The following NRXN1 variants were observed in gnomAD, a reference collection of about 807,000 sequenced individuals.
NRXN1 encodes the protein neurexin-1.
A neutral mutation model predicts 150.9 loss-of-function variants in NRXN1; 39 were observed. The ratio of observed to expected loss-of-function variants is 0.26; its 90% CI spans 0.20 to 0.34. The LOEUF (loss-of-function observed/expected upper bound fraction) is 0.34. Among genes scored for constraint, NRXN1 ranks in the 10% least tolerant of loss-of-function variants. The pLI is 1.00. For missense variants in NRXN1, 1,815 were observed against 1,949.9 expected (o/e 0.93, Z 1.30); for synonymous variants, 924 against 757.0 (o/e 1.22, Z -3.62).
intron 19 of NRXN1, among the ~76,000 whole-genome samples, chr2:50,071,137 C>G (rs1028252603): frequency 2.6e-5 from 4 of 152,202 alleles, no homozygotes; most frequent in African/African-American, 9.7e-5. Flanking sequence ...TAGGCTGTGT[C>G]ATATACAAGA....
Position 50,017,651 on chromosome 2 carries a change from A to C in NRXN1, c.4128+35620T>G, listed in dbSNP as rs561565913. Among the ~76,000 whole-genome samples, 27 of 130,068 alleles carry C rather than the reference A, an allele frequency of 2.1e-4. 1 individual carries two copies. The South Asian group carries it at 6.4e-3, about 31-fold the overall frequency. The allele number at this position is 130,068 out of a possible 152,430, so 85.3% of individuals were successfully genotyped here. A position where few individuals can be genotyped will look rare whatever the true frequency, so the allele number is the denominator to read the frequency against. On this transcript the variant is annotated intron_variant, in intron 21 of 22. Coordinates refer to ENST00000401669, the MANE Select transcript of NRXN1 (RefSeq NM_001330078.2). ...TTTTCTTGCAAAAGATTTTAGAAAA[A>C]AACACAGCCTTTTTTTTTTTTTTTT...
chr2:50,165,878 T>G (rs1295129839), intron 18 of NRXN1, among the ~76,000 whole-genome samples: 3 of 152,336 alleles, frequency 2.0e-5, no homozygotes, highest in Admixed American at 6.5e-5. Flanking sequence ...ATATATATTC[T>G]TAGGACAGCT....
intron 8 of NRXN1, among the ~76,000 whole-genome samples, chr2:50,579,469 G>A (rs981974803): frequency 6.6e-6 from 1 of 152,136 alleles, no homozygotes; most frequent in Non-Finnish European, 1.5e-5. Flanking sequence ...ATCAGCCTGG[G>A]CAACACAGTC....
chr2:50,823,480 T>G (rs1355315819), intron 5 of NRXN1, among the ~76,000 whole-genome samples: 2 of 152,226 alleles, frequency 1.3e-5, no homozygotes, highest in Admixed American at 6.5e-5. Context: ...CTGGTGAATC[T>G]TTGTTATTAT....
intron 15 of NRXN1, among the ~76,000 whole-genome samples, chr2:50,483,079 C>G (rs1224040806): frequency 7.2e-6 from 1 of 137,974 alleles, no homozygotes; most frequent in Non-Finnish European, 1.6e-5. Context: ...AAAAAGGAAT[C>G]TGGCCACCAA....
chr2:50,527,663 G>A (rs575940556), intron 12 of NRXN1, among the ~76,000 whole-genome samples: 157 of 152,132 alleles, frequency 1.0e-3, no homozygotes, highest in African/African-American at 3.2e-3. Context: ...TCTTGTTTTC[G>A]CAAGTTTAAG....
chr2:50,661,637 A>G (rs1429467135), intron 5 of NRXN1, among the ~76,000 whole-genome samples: 3 of 152,056 alleles, frequency 2.0e-5, no homozygotes, highest in African/African-American at 7.2e-5. Flanking sequence ...GTACAGCAAC[A>G]TGAGTGACAG....
At chr2:50,253,162 T>C (rs1341904365) in intron 17 of NRXN1, among the ~76,000 whole-genome samples, 2 of 152,122 alleles carry the variant, frequency 1.3e-5, no homozygotes, top group Non-Finnish European at 2.9e-5. Flanking sequence ...TATTTTATTG[T>C]TTTTGTAGTA....
At chr2:50,570,435 C>T (rs1055896120) in intron 8 of NRXN1, among the ~76,000 whole-genome samples, 2 of 152,066 alleles carry the variant, frequency 1.3e-5, no homozygotes, top group African/African-American at 2.4e-5. Flanking sequence ...TTATAAGTAT[C>T]GTAAATCCAA....
chr2:50,658,460 C>T (rs1472351298), intron 5 of NRXN1, among the ~76,000 whole-genome samples: 2 of 101,240 alleles, frequency 2.0e-5, no homozygotes, highest in African/African-American at 8.3e-5. Context: ...GGAGCAATTA[C>T]ATAATAGGAA....
At chr2:50,754,653 A>G (rs1225391540) in intron 5 of NRXN1, among the ~76,000 whole-genome samples, 5 of 151,864 alleles carry the variant, frequency 3.3e-5, no homozygotes, top group Non-Finnish European at 7.4e-5. Flanking sequence ...ATCAAGCTAC[A>G]GTCCACTCTG....
chr2:50,941,592 C>T (rs1284973906), intron 2 of NRXN1, among the ~76,000 whole-genome samples: 2 of 152,156 alleles, frequency 1.3e-5, no homozygotes, highest in Non-Finnish European at 2.9e-5. Flanking sequence ...TTTTCTCCTG[C>T]CCTAGAGATC....
intron 17 of NRXN1, among the ~76,000 whole-genome samples, chr2:50,325,764 C>A (rs2076346393): frequency 1.3e-5 from 2 of 152,214 alleles, no homozygotes; most frequent in Admixed American, 6.5e-5. Flanking sequence ...TAGAAATGCA[C>A]ACATTAGAAA....
intron 21 of NRXN1, among the ~76,000 whole-genome samples, chr2:49,972,246 G>A (rs995847729): frequency 3.3e-5 from 5 of 150,598 alleles, no homozygotes; most frequent in African/African-American, 1.2e-4. Context: ...CAGTTCTCTG[G>A]GAGCTGGGGG....
intron 12 of NRXN1, among the ~76,000 whole-genome samples, chr2:50,526,149 A>G (rs938435582): frequency 1.3e-5 from 2 of 152,020 alleles, no homozygotes; most frequent in Non-Finnish European, 2.9e-5. Context: ...AGGAAACAGC[A>G]GCACAATTTT....
intron 21 of NRXN1, among the ~76,000 whole-genome samples, chr2:50,037,561 C>T (rs1259090767): frequency 1.3e-5 from 2 of 152,092 alleles, no homozygotes; most frequent in Non-Finnish European, 2.9e-5. Flanking sequence ...CCTGAGATTT[C>T]ATTAAAGATA....
intron 18 of NRXN1, among the ~76,000 whole-genome samples, chr2:50,146,735 C>A (rs1318596233): frequency 6.6e-6 from 1 of 151,540 alleles, no homozygotes; most frequent in African/African-American, 2.4e-5. Context: ...TATACACAGG[C>A]CAAGTTTTCT....
intron 5 of NRXN1, among the ~76,000 whole-genome samples, chr2:50,633,560 T>C (rs1267156274): frequency 6.6e-6 from 1 of 151,660 alleles, no homozygotes; most frequent in East Asian, 1.9e-4. Context: ...GTTATTAAAA[T>C]AATGCAAAGA....
intron 21 of NRXN1, among the ~76,000 whole-genome samples, chr2:50,011,558 T>C (rs1051753533): frequency 2.0e-5 from 3 of 152,050 alleles, no homozygotes; most frequent in Admixed American, 6.6e-5. Flanking sequence ...AATACCTACC[T>C]AAGAAAAATG....
Sources: allele counts gnomAD v4.1 joint callset (sites outside exome capture counted in the v4.1 genomes callset), GRCh38; gene constraint gnomAD v4.1.1; transcripts MANE v1.5; gene names NCBI Gene and HGNC (gene_info 2026-07-23, HGNC 2026-07-21).